The following PPP1CB variants were observed in gnomAD, a reference collection of about 807,000 sequenced individuals.
PPP1CB encodes protein phosphatase 1 catalytic subunit beta, also known as serine/threonine-protein phosphatase PP1-beta catalytic subunit.
Under a neutral mutation model 43.7 loss-of-function variants are expected in PPP1CB, and 2 were observed. The observed-to-expected ratio is 0.05, with a 90% CI of 0.02 to 0.14. The LOEUF is 0.14. Ranked by LOEUF, PPP1CB falls within the 10% of genes least tolerant of loss-of-function variation. The probability of loss-of-function intolerance (pLI) is 1.00; values close to 1 mark genes in which losing one functional copy is unlikely to be tolerated. For synonymous variants in PPP1CB, 136 were observed against 135.6 expected, an observed-to-expected ratio of 1.00 and a Z score of -0.02; for missense variants, 84 against 398.0, an observed-to-expected ratio of 0.21 and a Z score of 6.71.
At chr2:28,796,504 C>G (rs893579085) in intron 7 of PPP1CB, among the ~76,000 whole-genome samples, 1 of 152,066 alleles carries the variant, frequency 6.6e-6, no homozygotes, top group Non-Finnish European at 1.5e-5. Flanking sequence ...TTTCACCTCC[C>G]TGGTTAGCTG....
Position 28,752,152 on chromosome 2 carries a change from A to G in PPP1CB, c.28A>G (p.Ser10Gly). 6.5e-7 allele frequency: 1 copy of G among 1,548,908 alleles called. No individual in the cohort carries two copies. The highest frequency in any genetic ancestry group is 8.7e-7 in the Non-Finnish European group (1 of 1,145,740). The change falls in exon 1 of 8, where the codon AGC becomes GGC. Residue 10 changes from serine to glycine, a missense_variant. Around this residue, in one of 5 missense-constraint regions of PPP1CB, gnomAD observed 27 missense variants for 42.7 expected, o/e 0.63. Coordinates refer to ENST00000395366, the MANE Select transcript of PPP1CB (RefSeq NM_002709.3). Reference sequence around the variant, plus strand: ...GGCGGACGGGGAGCTGAACGTGGACAGCCTCATCACCCGGCTGCTGGAGGG... The same window carrying G: ...GGCGGACGGGGAGCTGAACGTGGACGGCCTCATCACCCGGCTGCTGGAGGG... MADGELNVDSLITRLLEVRG... is the reference protein window; with the variant it reads MADGELNVDGLITRLLEVRG...
chr2:28,798,169 T>C (rs1478692881), intron 7 of PPP1CB, among the ~76,000 whole-genome samples: 1 of 152,132 alleles, frequency 6.6e-6, no homozygotes, highest in East Asian at 1.9e-4. Context: ...TGTTTTAGTT[T>C]TGGAAAATCA....
intron 3 of PPP1CB, among the ~76,000 whole-genome samples, chr2:28,780,529 A>G (rs1458792261): frequency 6.6e-6 from 1 of 152,240 alleles, no homozygotes; most frequent in African/African-American, 2.4e-5. Flanking sequence ...AAACTACAAC[A>G]TTCTTCCTAA....
chr2:28,782,054 T>C, intron 4 of PPP1CB: 1 of 599,546 alleles, frequency 1.7e-6, no homozygotes, highest in Non-Finnish European at 2.9e-6. Flanking sequence ...GTTTCACATA[T>C]AAGGAGTGTA....
chr2:28,780,146 T>C (rs1380291661), intron 3 of PPP1CB, among the ~76,000 whole-genome samples: 1 of 144,968 alleles, frequency 6.9e-6, no homozygotes, highest in Non-Finnish European at 1.5e-5. Flanking sequence ...TGGAGTGCAA[T>C]GGCACGATCT....
In PPP1CB at chr2:28,778,801, C is replaced by T. The variant is rs1489734030; in HGVS notation, c.185-8C>T. On this transcript the variant is annotated splice_region_variant and splice_polypyrimidine_tract_variant and intron_variant, in intron 2 of 7. Coordinates refer to ENST00000395366, the MANE Select transcript of PPP1CB (RefSeq NM_002709.3). ...AATTTTTCTAAAACTGACTCTTTCT[C>T]TTTTTAGGAGATATTCATGGACAAT... 1.9e-6 allele frequency: 3 copies of T among 1,544,840 alleles called. No individual in the cohort carries two copies. The highest frequency in any genetic ancestry group is 2.7e-6 in the Non-Finnish European group (3 of 1,120,334).
At chr2:28,763,730 A>C (rs1234649302) in intron 1 of PPP1CB, among the ~76,000 whole-genome samples, 1 of 152,164 alleles carries the variant, frequency 6.6e-6, no homozygotes, top group Non-Finnish European at 1.5e-5. Context: ...TTTGAGACGG[A>C]GTCTCACTTT....
intron 1 of PPP1CB, among the ~76,000 whole-genome samples, chr2:28,756,049 C>G (rs1247736538): frequency 1.3e-5 from 2 of 152,126 alleles, no homozygotes; most frequent in African/African-American, 2.4e-5. Context: ...AATTCACATG[C>G]TTTACATCAT....
chr2:28,773,272 A>G (rs1054276709), intron 1 of PPP1CB, among the ~76,000 whole-genome samples: 1 of 152,224 alleles, frequency 6.6e-6, no homozygotes, highest in Admixed American at 6.5e-5. Flanking sequence ...TGAAATTACT[A>G]CATGCTGAAA....
intron 5 of PPP1CB, among the ~76,000 whole-genome samples, chr2:28,784,728 G>T (rs1351351374): frequency 6.6e-6 from 1 of 151,846 alleles, no homozygotes; most frequent in Non-Finnish European, 1.5e-5. Context: ...AGACCAGCCT[G>T]GCCAACGTGA....
At chr2:28,753,981 C>T (rs1270929029) in intron 1 of PPP1CB, among the ~76,000 whole-genome samples, 4 of 152,136 alleles carry the variant, frequency 2.6e-5, no homozygotes, top group Admixed American at 1.3e-4. Flanking sequence ...CGTGATCCAC[C>T]CGCTTCAGCC....
At chr2:28,773,166 T>C (rs931841499) in intron 1 of PPP1CB, among the ~76,000 whole-genome samples, 1 of 152,198 alleles carries the variant, frequency 6.6e-6, no homozygotes, top group Non-Finnish European at 1.5e-5. Context: ...GTTACACCCA[T>C]AAAGTTAGTA....
chr2:28,771,040 T>TTCCC (rs1666898250), intron 1 of PPP1CB, among the ~76,000 whole-genome samples: 1 of 69,994 alleles, frequency 1.4e-5, no homozygotes, highest in Non-Finnish European at 2.6e-5. Context: ...TATTCCCTGC[T>TTCCC]CCCCCCCCCC....
chr2:28,799,126 A>G (rs1667555876), intron 7 of PPP1CB, 73 bp from the exon 8 acceptor site: 1 of 1,072,414 alleles, frequency 9.3e-7, no homozygotes, highest in Non-Finnish European at 1.4e-6. Context: ...TTTATTGAAA[A>G]TCACAATTGT....
At chr2:28,777,737 C>T (rs1667071637) in intron 2 of PPP1CB, among the ~76,000 whole-genome samples, 2 of 152,174 alleles carry the variant, frequency 1.3e-5, no homozygotes, top group East Asian at 1.9e-4. Context: ...ACTGCAACCT[C>T]CACCTCCCGG....
At chr2:28,760,485 A>G (rs1172170402) in intron 1 of PPP1CB, among the ~76,000 whole-genome samples, 1 of 152,224 alleles carries the variant, frequency 6.6e-6, no homozygotes, top group Non-Finnish European at 1.5e-5. Flanking sequence ...CATGCTTTGT[A>G]GCCTAAGAGC....
Position 28,763,797 on chromosome 2 carries a change from C to T in PPP1CB, c.52+11621C>T, listed in dbSNP as rs1199566447. Among the ~76,000 whole-genome samples the T allele has an allele frequency of 5.3e-5, 8 of 152,112 alleles. 1 individual carries two copies. Among genetic ancestry groups the T allele is most frequent in the South Asian group, 4.1e-4 (2 of 4,820 alleles). On this transcript the variant is annotated intron_variant, in intron 1 of 7. Coordinates refer to ENST00000395366, the MANE Select transcript of PPP1CB (RefSeq NM_002709.3). ...TCAGCTCACTGCAACCTCTGCCTCC[C>T]GGGTTGAAGCGATTCTCCTGCCTCA...
At chr2:28,790,364 G>A (rs146948799) in intron 6 of PPP1CB, among the ~76,000 whole-genome samples, 107 of 152,220 alleles carry the variant, frequency 7.0e-4, no homozygotes, top group African/African-American at 2.4e-3. Flanking sequence ...GTTTGAGGCC[G>A]AGTCTCACTC....
intron 1 of PPP1CB, among the ~76,000 whole-genome samples, chr2:28,753,127 GTCCCTCTACCCTA>G (rs1331255935): frequency 1.3e-5 from 2 of 152,290 alleles, no homozygotes; most frequent in East Asian, 3.9e-4. Flanking sequence ...CTGCCAAACA[GTCCCTCTACCCTA>G]AAGTTTTCGT....
Sources: gnomAD v4.1 joint callset for allele counts (sites outside exome capture counted in the v4.1 genomes callset) on GRCh38, gnomAD v4.1.1 for gene constraint, gnomAD v4.1.1 regional missense constraint, MANE v1.5 for transcripts, NCBI Gene and HGNC (gene_info 2026-07-23, HGNC 2026-07-21) for gene names.